LRP6: variants seen among roughly 807,000 people sequenced by gnomAD.
LRP6 encodes the protein low-density lipoprotein receptor-related protein 6.
In LRP6, 43 loss-of-function variants were observed where a neutral mutation model predicts 184.1. The observed-to-expected ratio is 0.23, with a 90% CI of 0.18 to 0.30. The LOEUF (loss-of-function observed/expected upper bound fraction) is 0.30, where lower values mean the gene tolerates loss of function less well. LRP6 is among the 10% of genes least tolerant of loss of function. The pLI, the probability that LRP6 is intolerant of heterozygous loss-of-function variation, is 1.00. For synonymous variants in LRP6, 719 were observed against 684.9 expected (o/e 1.05, Z -0.78); for missense variants, 1,571 against 2,005.3 (o/e 0.78, Z 4.14).
rs550587604 is a variant in LRP6, at chr12:12,119,990, AATATATATATATATAT to A, written c.*1120_*1135del. The A allele has an allele frequency of 0.036, 1,655 of 45,522 alleles. 67 individuals carry two copies. The highest frequency in any genetic ancestry group is 0.23 in the East Asian group (300 of 1,280). The allele number at this position is 45,522 out of a possible 1,614,324, so 2.8% of individuals were successfully genotyped here. On this transcript the variant is annotated 3_prime_UTR_variant, in exon 23 of 23. Transcript: ENST00000261349. Reference sequence around the variant, plus strand: ...ACTCAGAAAACAAACAAACAAACAAAATATATATATATATATATATATATATATATATATATATATA... The same window carrying A: ...ACTCAGAAAACAAACAAACAAACAAAATATATATATATATATATATATATA...
intron 19 of LRP6, among the ~76,000 whole-genome samples, chr12:12,128,033 A>C (rs1255674791): frequency 6.6e-6 from 1 of 152,148 alleles, no homozygotes; most frequent in Non-Finnish European, 1.5e-5. Flanking sequence ...GCCAAGCTTC[A>C]GGAAAGAAAA....
At position 12,117,134 on chromosome 12, in the gene LRP6, G is replaced by A. The variant is rs1303442893; in HGVS notation, c.*3992C>T. On this transcript the variant is annotated 3_prime_UTR_variant, in exon 23 of 23. Coordinates refer to ENST00000261349, the MANE Select transcript of LRP6 (RefSeq NM_002336.3). ...TTTCTAAAATCATCTTTCACTACAA[G>A]TACTTTCTAAAATCATCTTTCTCTT... The A allele has an allele frequency of 1.3e-5, 2 of 152,108 alleles. No homozygotes were observed. The highest frequency in any genetic ancestry group is 3.8e-4 in the East Asian group (2 of 5,198). 9.4% of individuals were successfully genotyped at this position (152,108 alleles called of 1,614,324 possible). A position where few individuals can be genotyped will look rare whatever the true frequency, so the allele number is the denominator to read the frequency against.
intron 2 of LRP6, among the ~76,000 whole-genome samples, chr12:12,230,442 T>A (rs1286026497): frequency 1.3e-5 from 2 of 152,044 alleles, no homozygotes; most frequent in East Asian, 3.9e-4. Flanking sequence ...AGGGATGAAA[T>A]TTCACCCTTT....
intron 3 of LRP6, among the ~76,000 whole-genome samples, chr12:12,197,840 T>C (rs1863804682): frequency 1.3e-5 from 2 of 152,318 alleles, no homozygotes; most frequent in South Asian, 4.1e-4. Flanking sequence ...GTCCAAGAGT[T>C]CAAGACCAGC....
chr12:12,204,073 A>G (rs1344777493), intron 2 of LRP6, among the ~76,000 whole-genome samples: 2 of 152,166 alleles, frequency 1.3e-5, no homozygotes, highest in East Asian at 3.8e-4. Flanking sequence ...AATTAACATC[A>G]CCAATAAGGG....
chr12:12,266,461 CG>C (rs1426202679), intron 1 of LRP6, among the ~76,000 whole-genome samples: 2 of 152,136 alleles, frequency 1.3e-5, no homozygotes, highest in African/African-American at 4.8e-5. Flanking sequence ...CCGATGTGTC[CG>C]GGGAAGGTCT....
chr12:12,230,668 A>C (rs1306516345), intron 2 of LRP6, among the ~76,000 whole-genome samples: 1 of 152,234 alleles, frequency 6.6e-6, no homozygotes. Flanking sequence ...GAAAGAATAG[A>C]CAATATTTTA....
At chr12:12,190,643 T>C (rs1863590141) in intron 3 of LRP6, among the ~76,000 whole-genome samples, 1 of 152,210 alleles carries the variant, frequency 6.6e-6, no homozygotes. Flanking sequence ...TGCCCTCATT[T>C]AGTTTTTGTT....
At chr12:12,125,214 AT>A in intron 21 of LRP6, 81 bp downstream of exon 21, 1 of 1,531,960 alleles carries the variant, frequency 6.5e-7, no homozygotes. Context: ...TTACATTACT[AT>A]CACTGATCAC....
At chr12:12,223,315 T>A (rs557441624) in intron 2 of LRP6, among the ~76,000 whole-genome samples, 16 of 152,186 alleles carry the variant, frequency 1.1e-4, no homozygotes, top group Non-Finnish European at 2.1e-4. Flanking sequence ...AACCAAGTGT[T>A]TAACAGAAAA....
At chr12:12,213,264 T>C (rs1055612290) in intron 2 of LRP6, among the ~76,000 whole-genome samples, 2 of 152,184 alleles carry the variant, frequency 1.3e-5, no homozygotes, top group African/African-American at 2.4e-5. Flanking sequence ...TCCATCTCAA[T>C]TTTAAAATTT....
At chr12:12,188,480 T>C (rs1442970842) in intron 3 of LRP6, among the ~76,000 whole-genome samples, 2 of 152,170 alleles carry the variant, frequency 1.3e-5, no homozygotes, top group African/African-American at 4.8e-5. Flanking sequence ...TTTCAGGTCC[T>C]TGAGGTTAAC....
chr12:12,209,768 A>G (rs1198659742), intron 2 of LRP6, among the ~76,000 whole-genome samples: 1 of 152,192 alleles, frequency 6.6e-6, no homozygotes, highest in African/African-American at 2.4e-5. Flanking sequence ...GGAGCTAAGC[A>G]CCATGCCTGA....
At chr12:12,192,075 T>TA (rs1863633375) in intron 3 of LRP6, among the ~76,000 whole-genome samples, 5 of 151,974 alleles carry the variant, frequency 3.3e-5, no homozygotes, top group Non-Finnish European at 7.4e-5. Context: ...AGACATAAGA[T>TA]TGTATAAAGC....
At chr12:12,208,344 A>C (rs1400109520) in intron 2 of LRP6, among the ~76,000 whole-genome samples, 1 of 152,240 alleles carries the variant, frequency 6.6e-6, no homozygotes, top group Non-Finnish European at 1.5e-5. Context: ...AGGTGTATTT[A>C]TCAAAGCCCA....
intron 4 of LRP6, among the ~76,000 whole-genome samples, chr12:12,185,551 G>A (rs573117595): frequency 6.6e-6 from 1 of 152,244 alleles, no homozygotes; most frequent in South Asian, 2.1e-4. Flanking sequence ...AATACACTCA[G>A]ACAGATGCCA....
chr12:12,249,415 G>A, intron 1 of LRP6: 2 of 813,244 alleles, frequency 2.5e-6, no homozygotes, highest in Non-Finnish European at 4.3e-6. Flanking sequence ...CTCAAGGACA[G>A]TGTTACAGCA....
chr12:12,175,727 AAAAT>A (rs1298008650), intron 7 of LRP6, among the ~76,000 whole-genome samples: 52 of 119,888 alleles, frequency 4.3e-4, no homozygotes, highest in South Asian at 1.2e-3. Context: ...AAAATAAAAT[AAAAT>A]AAATAAATAA....
At chr12:12,200,536 T>C (rs1863887838) in intron 3 of LRP6, among the ~76,000 whole-genome samples, 1 of 152,224 alleles carries the variant, frequency 6.6e-6, no homozygotes, top group Non-Finnish European at 1.5e-5. Flanking sequence ...CAACATTTTC[T>C]GTTGCAGACC....
Sources: gnomAD v4.1 joint callset for allele counts (sites outside exome capture counted in the v4.1 genomes callset) on GRCh38, gnomAD v4.1.1 for gene constraint, MANE v1.5 for transcripts, NCBI Gene and HGNC (gene_info 2026-07-23, HGNC 2026-07-21) for gene names.